The following HS3ST4 variants were observed in gnomAD, a reference collection of about 807,000 sequenced individuals.
The protein encoded by HS3ST4 is heparan sulfate glucosamine 3-O-sulfotransferase 4.
HS3ST4 carries 17 observed loss-of-function variants against 29.2 expected under a neutral mutation model. The ratio of observed to expected loss-of-function variants is 0.58; its 90% confidence interval spans 0.40 to 0.87. The LOEUF (loss-of-function observed/expected upper bound fraction) is 0.87, where lower values mean the gene tolerates loss of function less well. Among genes scored for constraint, HS3ST4 ranks in the 40% least tolerant of loss-of-function variants. HS3ST4 has a pLI of 0.00. For missense variants in HS3ST4, 627 were observed against 634.5 expected (o/e 0.99, Z 0.13); for synonymous variants, 314 against 285.7 (o/e 1.10, Z -1.00).
intron 1 of HS3ST4, among the ~76,000 whole-genome samples, chr16:25,725,614 C>T (rs1436189439): frequency 2.0e-5 from 3 of 151,712 alleles, no homozygotes; most frequent in East Asian, 3.9e-4. Flanking sequence ...GCATATAATG[C>T]AAACAATTGG....
At chr16:25,891,590 G>T (rs1968008598) in intron 1 of HS3ST4, among the ~76,000 whole-genome samples, 1 of 152,120 alleles carries the variant, frequency 6.6e-6, no homozygotes, top group Non-Finnish European at 1.5e-5. Context: ...CACAGAAATG[G>T]ATGGCATTTC....
At chr16:25,706,091 T>C (rs1567223822) in intron 1 of HS3ST4, among the ~76,000 whole-genome samples, 1 of 152,212 alleles carries the variant, frequency 6.6e-6, no homozygotes, top group Non-Finnish European at 1.5e-5. Flanking sequence ...GCAGACTGCG[T>C]AAAGATCTGG....
chr16:25,904,414 C>T (rs144869998), intron 1 of HS3ST4, among the ~76,000 whole-genome samples: 1 of 152,298 alleles, frequency 6.6e-6, no homozygotes, highest in East Asian at 1.9e-4. Context: ...ATTGAAATAA[C>T]AGGTGGCAAC....
rs201035984 is a variant in HS3ST4, at chr16:25,904,171, G to A, written c.734+211020G>A. 1.7e-3 allele frequency among the ~76,000 whole-genome samples: 154 copies of A among 88,144 alleles called. 1 individual carries two copies. The highest frequency in any genetic ancestry group is 0.013 in the East Asian group (30 of 2,318). 57.8% of individuals were successfully genotyped at this position (88,144 alleles called of 152,430 possible). ...GGATGGATGAATGGATGAATGGATG[G>A]ATGGATGGATGGACGGATGGACAGA... is the stretch of plus-strand genomic sequence containing the variant. On this transcript the variant is annotated intron_variant, in intron 1 of 1. Coordinates refer to ENST00000331351, the MANE Select transcript of HS3ST4 (RefSeq NM_006040.3).
At chr16:25,780,358 C>T (rs761656610) in intron 1 of HS3ST4, among the ~76,000 whole-genome samples, 15 of 152,126 alleles carry the variant, frequency 9.9e-5, no homozygotes, top group South Asian at 2.1e-4. Flanking sequence ...GGTTCAAATC[C>T]CAGTTTAGCC....
intron 1 of HS3ST4, among the ~76,000 whole-genome samples, chr16:26,064,519 C>T (rs1345529950): frequency 6.6e-6 from 1 of 151,404 alleles, no homozygotes; most frequent in Non-Finnish European, 1.5e-5. Flanking sequence ...TAAGGAGAGA[C>T]TTGAAGTCAG....
At chr16:25,833,722 A>T (rs1425294007) in intron 1 of HS3ST4, among the ~76,000 whole-genome samples, 1 of 152,224 alleles carries the variant, frequency 6.6e-6, no homozygotes, top group African/African-American at 2.4e-5. Context: ...GGGGAGACTC[A>T]GTCTGCATGA....
intron 1 of HS3ST4, among the ~76,000 whole-genome samples, chr16:25,707,232 T>C (rs1966381707): frequency 6.6e-6 from 1 of 152,184 alleles, no homozygotes; most frequent in South Asian, 2.1e-4. Context: ...CATGAAGTGC[T>C]TCTTTTAAGT....
intron 1 of HS3ST4, among the ~76,000 whole-genome samples, chr16:25,853,692 A>G (rs1314203415): frequency 6.6e-6 from 1 of 152,198 alleles, no homozygotes; most frequent in South Asian, 2.1e-4. Context: ...ATTTGCATAC[A>G]TTGAACCATC....
intron 1 of HS3ST4, among the ~76,000 whole-genome samples, chr16:26,107,198 T>G (rs1318468536): frequency 6.6e-6 from 1 of 152,088 alleles, no homozygotes; most frequent in Non-Finnish European, 1.5e-5. Context: ...GTGCCATACG[T>G]ATATATGGAA....
At chr16:25,760,999 G>A (rs1966785569) in intron 1 of HS3ST4, among the ~76,000 whole-genome samples, 1 of 152,014 alleles carries the variant, frequency 6.6e-6, no homozygotes, top group Non-Finnish European at 1.5e-5. Flanking sequence ...ATAGCAAAAG[G>A]CAAGCCAGAT....
At chr16:25,765,381 T>C (rs1295705721) in intron 1 of HS3ST4, among the ~76,000 whole-genome samples, 1 of 152,320 alleles carries the variant, frequency 6.6e-6, no homozygotes, top group East Asian at 1.9e-4. Context: ...AGGAGCCGCT[T>C]GCCGCTTCTG....
intron 1 of HS3ST4, among the ~76,000 whole-genome samples, chr16:25,898,671 A>T (rs1417910659): frequency 1.3e-5 from 2 of 152,236 alleles, no homozygotes; most frequent in African/African-American, 2.4e-5. Context: ...GGAAGCATGA[A>T]TATGATGAAA....
chr16:25,990,958 A>G (rs899328984), intron 1 of HS3ST4, among the ~76,000 whole-genome samples: 3 of 152,160 alleles, frequency 2.0e-5, no homozygotes, highest in Admixed American at 6.5e-5. Context: ...AGCTTTTGTT[A>G]CAAAACCTGC....
At chr16:26,125,461 A>G (rs938990717) in intron 1 of HS3ST4, among the ~76,000 whole-genome samples, 30 of 152,244 alleles carry the variant, frequency 2.0e-4, no homozygotes, top group Admixed American at 1.8e-3. Context: ...GAGCTCAGGC[A>G]GTAATGCCCA....
At chr16:25,809,851 C>G (rs1967024650) in intron 1 of HS3ST4, among the ~76,000 whole-genome samples, 1 of 152,130 alleles carries the variant, frequency 6.6e-6, no homozygotes, top group Non-Finnish European at 1.5e-5. Context: ...TTCCATTCCT[C>G]TTATTGGTGA....
rs188746290 is a variant in HS3ST4, at chr16:25,938,494, C to T, written c.735-197118C>T. 2.4e-3 allele frequency among the ~76,000 whole-genome samples: 366 copies of T among 151,980 alleles called. 5 individuals are homozygous for T. Among genetic ancestry groups the T allele is most frequent in the Non-Finnish European group, 4.0e-4 (27 of 68,008 alleles). Reference sequence around the variant, plus strand: ...CACATCTATCTCTTGCTCAACAATACTGAGTATATTGGAAAGATTGCTGCT... The same window carrying T: ...CACATCTATCTCTTGCTCAACAATATTGAGTATATTGGAAAGATTGCTGCT... On this transcript the variant is annotated intron_variant, in intron 1 of 1. Transcript: ENST00000331351.
intron 1 of HS3ST4, among the ~76,000 whole-genome samples, chr16:26,049,463 C>T (rs1177246716): frequency 1.5e-5 from 2 of 135,546 alleles, no homozygotes; most frequent in Admixed American, 7.1e-5. Flanking sequence ...GTGGGGAATG[C>T]GTGCCTCTGT....
chr16:25,916,838 C>T (rs952996646), intron 1 of HS3ST4, among the ~76,000 whole-genome samples: 1 of 151,862 alleles, frequency 6.6e-6, no homozygotes, highest in Non-Finnish European at 1.5e-5. Context: ...TGCGACCACG[C>T]CCGGCTGATT....
Sources: allele counts gnomAD v4.1 joint callset (sites outside exome capture counted in the v4.1 genomes callset), GRCh38; gene constraint gnomAD v4.1.1; transcripts MANE v1.5; gene names NCBI Gene and HGNC (gene_info 2026-07-23, HGNC 2026-07-21).